Variants in PPP4R2 observed in about 807,000 individuals in gnomAD.
PPP4R2 encodes serine/threonine-protein phosphatase 4 regulatory subunit 2.
A neutral mutation model predicts 47.2 loss-of-function variants in PPP4R2; 13 were observed. The ratio of observed to expected loss-of-function variants is 0.28; its 90% CI spans 0.18 to 0.44. PPP4R2 has a LOEUF of 0.44. Among genes scored for constraint, PPP4R2 ranks in the 20% least tolerant of loss-of-function variants. The pLI, the probability that PPP4R2 is intolerant of heterozygous loss-of-function variation, is 1.00. For synonymous variants in PPP4R2, 151 were observed against 163.3 expected (o/e 0.92, Z 0.57); for missense variants, 421 against 491.2 (o/e 0.86, Z 1.35).
intron 2 of PPP4R2, among the ~76,000 whole-genome samples, chr3:73,044,552 C>T (rs946098830): frequency 6.6e-6 from 1 of 152,212 alleles, no homozygotes; most frequent in Non-Finnish European, 1.5e-5. Context: ...CACCACCACT[C>T]TCCAGCCCTG....
At chr3:73,009,917 C>G (rs559437304) in intron 2 of PPP4R2, among the ~76,000 whole-genome samples, 2 of 152,170 alleles carry the variant, frequency 1.3e-5, no homozygotes, top group African/African-American at 4.8e-5. Context: ...ATGAGCAGTC[C>G]TGTTGATGTG....
chr3:73,010,564 CTTTTT>C (rs5850094), intron 2 of PPP4R2, among the ~76,000 whole-genome samples: 1 of 147,726 alleles, frequency 6.8e-6, no homozygotes, highest in Non-Finnish European at 1.5e-5. Flanking sequence ...CTCTCGCTCT[CTTTTT>C]TTTTTTTAAG....
chr3:73,065,036 G>A lies in PPP4R2; in HGVS notation c.823G>A (p.Glu275Lys). 1 of 1,613,940 alleles carries A rather than the reference G, an allele frequency of 6.2e-7. No individual in the cohort carries two copies. The highest frequency in any genetic ancestry group is 8.5e-7 in the Non-Finnish European group (1 of 1,179,860). The change falls in exon 8 of 9, where the codon GAA becomes AAA. Residue 275 changes from glutamate to lysine, a missense_variant. Transcript: ENST00000356692. ...SSEISSVMVG[E>K]TEASSSSQDK... ...CGAAATTTCTTCAGTTATGGTAGGA[G>A]AAACAGAAGCATCATCTTCATCTCA...
chr3:73,017,647 T>C (rs1470569389), intron 2 of PPP4R2, among the ~76,000 whole-genome samples: 3 of 152,002 alleles, frequency 2.0e-5, no homozygotes, highest in African/African-American at 4.8e-5. Context: ...ATGCATCATA[T>C]ATATGCATTT....
chr3:73,055,908 G>A (rs1473685696), intron 3 of PPP4R2, among the ~76,000 whole-genome samples: 1 of 151,968 alleles, frequency 6.6e-6, no homozygotes, highest in African/African-American at 2.4e-5. Flanking sequence ...GCCTGGCCCA[G>A]GGTTTTTTAT....
At chr3:73,063,885 G>T (rs1702926971) in intron 6 of PPP4R2, 118 bp from the exon 7 acceptor site, 1 of 1,145,946 alleles carries the variant, frequency 8.7e-7, no homozygotes, top group Non-Finnish European at 1.3e-6. Context: ...ATTTGGTAAG[G>T]CATGGGCCTG....
At chr3:73,065,175 A>G in intron 8 of PPP4R2, 34 bp downstream of exon 8, 1 of 1,543,630 alleles carries the variant, frequency 6.5e-7, no homozygotes, top group Non-Finnish European at 8.7e-7. Context: ...GGGTGGAGTA[A>G]GGAGATCCTC....
intron 1 of PPP4R2, 30 bp from the exon 2 acceptor site, chr3:72,998,047 G>A: frequency 1.3e-6 from 2 of 1,514,870 alleles, no homozygotes; most frequent in Non-Finnish European, 1.8e-6. Flanking sequence ...TGAGAAAACT[G>A]ATAACGTTTT....
chr3:73,063,623 C>T, intron 5 of PPP4R2, 50 bp from the exon 6 acceptor site: 1 of 1,085,522 alleles, frequency 9.2e-7, no homozygotes, highest in Non-Finnish European at 1.4e-6. Flanking sequence ...AGCCAGACTC[C>T]ATCTAAAAAA....
chr3:72,998,272 A>G, intron 2 of PPP4R2, 114 bp downstream of exon 2: 1 of 640,408 alleles, frequency 1.6e-6, no homozygotes, highest in Non-Finnish European at 2.7e-6. Flanking sequence ...AAATTGTAGA[A>G]GTCCTGGTCA....
rs1163414918 is a variant in PPP4R2, at chr3:73,066,948, A to AT, written c.*1229dup. The AT allele has an allele frequency of 6.6e-6, 1 of 152,134 alleles. No homozygotes were observed. The highest frequency in any genetic ancestry group is 2.4e-5 in the African/African-American group (1 of 41,460). The allele number at this position is 152,134 out of a possible 1,614,324, so 9.4% of individuals were successfully genotyped here. ...AAATTCAGTATTTTCAAATTTACAT[A>AT]TTTAAAGTCATGCAAGCTGTAACTT... On this transcript the variant is annotated 3_prime_UTR_variant, in exon 9 of 9. Coordinates refer to ENST00000356692, the MANE Select transcript of PPP4R2 (RefSeq NM_174907.4).
At chr3:73,036,829 C>T (rs1170123820) in intron 2 of PPP4R2, among the ~76,000 whole-genome samples, 1 of 151,846 alleles carries the variant, frequency 6.6e-6, no homozygotes, top group Non-Finnish European at 1.5e-5. Flanking sequence ...TATAAAATTA[C>T]ACAAAATAAA....
At chr3:73,028,893 A>T (rs6798346) in intron 2 of PPP4R2, among the ~76,000 whole-genome samples, 2 of 152,012 alleles carry the variant, frequency 1.3e-5, no homozygotes. Flanking sequence ...ATGTAGGGCA[A>T]TGTGGAGCAC....
At chr3:73,001,906 C>T (rs1044469316) in intron 2 of PPP4R2, among the ~76,000 whole-genome samples, 12 of 152,174 alleles carry the variant, frequency 7.9e-5, no homozygotes, top group Non-Finnish European at 1.6e-4. Context: ...GGATTACAGG[C>T]GTGAACCATC....
At chr3:73,005,247 C>T (rs1267730876) in intron 2 of PPP4R2, among the ~76,000 whole-genome samples, 3 of 151,674 alleles carry the variant, frequency 2.0e-5, no homozygotes, top group Non-Finnish European at 4.4e-5. Flanking sequence ...GGCCAAAATA[C>T]AGTGGTTTTT....
At chr3:73,039,146 T>C (rs1679527154) in intron 2 of PPP4R2, among the ~76,000 whole-genome samples, 1 of 152,172 alleles carries the variant, frequency 6.6e-6, no homozygotes, top group African/African-American at 2.4e-5. Context: ...TTTATGAGAC[T>C]GAGTTTTGCT....
At chr3:73,058,769 G>A (rs1323647310) in intron 3 of PPP4R2, among the ~76,000 whole-genome samples, 1 of 150,602 alleles carries the variant, frequency 6.6e-6, no homozygotes, top group Non-Finnish European at 1.5e-5. Context: ...CTATATTTTT[G>A]TACCCGTTAA....
chr3:73,023,457 A>T (rs529306212), intron 2 of PPP4R2, among the ~76,000 whole-genome samples: 1 of 152,304 alleles, frequency 6.6e-6, no homozygotes, highest in South Asian at 2.1e-4. Flanking sequence ...AAGTGCTGGG[A>T]TTAGAGGCAT....
intron 2 of PPP4R2, among the ~76,000 whole-genome samples, chr3:73,038,228 C>T (rs988993033): frequency 6.6e-6 from 1 of 152,258 alleles, no homozygotes; most frequent in South Asian, 2.1e-4. Flanking sequence ...TAAGCTAGTA[C>T]AAGTTAAAAA....
Sources: allele counts gnomAD v4.1 joint callset (sites outside exome capture counted in the v4.1 genomes callset), GRCh38; gene constraint gnomAD v4.1.1; transcripts MANE v1.5; gene names NCBI Gene and HGNC (gene_info 2026-07-23, HGNC 2026-07-21).